The following TTC28 variants were observed in gnomAD, a reference collection of about 807,000 sequenced individuals.
TTC28 encodes tetratricopeptide repeat protein 28.
A neutral mutation model predicts 198.0 loss-of-function variants in TTC28; 61 were observed. The observed-to-expected ratio is 0.31, with a 90% confidence interval of 0.25 to 0.38. The LOEUF is 0.38. TTC28 is among the 10% of genes least tolerant of loss of function. The pLI is 1.00. For synonymous variants in TTC28, 1,171 were observed against 1,297.8 expected (o/e 0.90, Z 2.10); for missense variants, 2,678 against 3,164.0 (o/e 0.85, Z 3.69).
chr22:28,201,978 T>G (rs1039952944), intron 5 of TTC28, among the ~76,000 whole-genome samples: 4 of 152,056 alleles, frequency 2.6e-5, no homozygotes, highest in South Asian at 4.1e-4. Flanking sequence ...CTACTATGAG[T>G]ACCCATCATA....
chr22:28,140,657 T>C (rs1601373933), intron 6 of TTC28, among the ~76,000 whole-genome samples: 1 of 152,354 alleles, frequency 6.6e-6, no homozygotes, highest in African/African-American at 2.4e-5. Context: ...TCCACGGGCC[T>C]GGCCTTTCCA....
intron 3 of TTC28, among the ~76,000 whole-genome samples, chr22:28,301,401 T>C (rs1488039479): frequency 3.3e-5 from 5 of 152,224 alleles, no homozygotes; most frequent in Admixed American, 2.6e-4. Context: ...CTTTGCAACA[T>C]CAGTTCATCA....
In TTC28 at chr22:28,492,610, A is replaced by C. The variant is rs117216664; in HGVS notation, c.381+136942T>G. 4.5e-3 allele frequency among the ~76,000 whole-genome samples: 679 copies of C among 152,332 alleles called. 16 individuals are homozygous for C. Among genetic ancestry groups the C allele is most frequent in the Middle Eastern group, 0.01 (3 of 294 alleles). On this transcript the variant is annotated intron_variant, in intron 2 of 22. Transcript: ENST00000397906. Reference sequence around the variant, plus strand: ...GATAAGATACCATGCAGATTCAAGAAAGTTAAGTCAAAAAGGAGAAAGCTA... The same window carrying C: ...GATAAGATACCATGCAGATTCAAGACAGTTAAGTCAAAAAGGAGAAAGCTA...
intron 3 of TTC28, 40 bp from the exon 4 acceptor site, chr22:28,297,892 T>C (rs1372876292): frequency 6.5e-7 from 1 of 1,536,344 alleles, no homozygotes; most frequent in Non-Finnish European, 8.8e-7. Context: ...AACAGGAGAA[T>C]GTAGGATGAT....
At chr22:28,395,908 T>C (rs1396033017) in intron 2 of TTC28, among the ~76,000 whole-genome samples, 2 of 152,238 alleles carry the variant, frequency 1.3e-5, no homozygotes, top group South Asian at 2.1e-4. Flanking sequence ...AAATTTCATA[T>C]AGAAGCCCTA....
intron 2 of TTC28, among the ~76,000 whole-genome samples, chr22:28,614,882 C>T (rs140701023): frequency 4.3e-4 from 66 of 152,146 alleles, no homozygotes; most frequent in Non-Finnish European, 7.4e-4. Flanking sequence ...ACATAGGCTT[C>T]GGCAAAGACT....
chr22:28,244,619 C>G (rs930633804), intron 5 of TTC28, among the ~76,000 whole-genome samples: 4 of 152,182 alleles, frequency 2.6e-5, no homozygotes, highest in African/African-American at 9.6e-5. Context: ...AAAAAGAAAC[C>G]TAAAGCTCTG....
chr22:28,447,364 A>T (rs2047719072), intron 2 of TTC28, among the ~76,000 whole-genome samples: 1 of 152,250 alleles, frequency 6.6e-6, no homozygotes. Flanking sequence ...GCAATATCAG[A>T]TCCTCTAAAT....
intron 2 of TTC28, among the ~76,000 whole-genome samples, chr22:28,483,620 AATT>A: frequency 6.6e-6 from 1 of 152,156 alleles, no homozygotes; most frequent in Non-Finnish European, 1.5e-5. Context: ...CCATCTGATG[AATT>A]TTCTTGATCA....
At chr22:28,242,848 T>TTG (rs1929758040) in intron 5 of TTC28, among the ~76,000 whole-genome samples, 17 of 152,010 alleles carry the variant, frequency 1.1e-4, no homozygotes, top group Admixed American at 8.5e-4. Context: ...GATGACACGT[T>TTG]AAAATTAAAT....
intron 2 of TTC28, among the ~76,000 whole-genome samples, chr22:28,569,391 G>A (rs1001194019): frequency 2.6e-5 from 4 of 151,978 alleles, no homozygotes; most frequent in Non-Finnish European, 5.9e-5. Flanking sequence ...AGAGAATCCA[G>A]AAATAAAGCC....
intron 5 of TTC28, among the ~76,000 whole-genome samples, chr22:28,295,595 G>A (rs2044877978): frequency 6.6e-6 from 1 of 152,090 alleles, no homozygotes; most frequent in South Asian, 2.1e-4. Context: ...CTGCAGCTGG[G>A]ATTTAAATCT....
At chr22:28,098,554 CT>C (rs71704707) in intron 10 of TTC28, among the ~76,000 whole-genome samples, 11,232 of 144,376 alleles carry the variant, frequency 0.078, 442 homozygotes, top group South Asian at 0.093. Flanking sequence ...TCTATTTAAA[CT>C]TTTTTTTTTT....
Position 28,096,305 on chromosome 22 carries a change from G to A in TTC28, c.3651C>T (p.Tyr1217=). 1 of 1,551,978 alleles carries A rather than the reference G, an allele frequency of 6.4e-7. No homozygotes were observed. The highest frequency in any genetic ancestry group is 8.7e-7 in the Non-Finnish European group (1 of 1,147,040). ...RQTGQQDSDP[Y]SPVTIDQILE... is the part of the protein sequence containing the mutation. ...AGATCTGATCAATAGTGACTGGGGA[G>A]TAGGGGTCGGAGTCTTGTTGTCCTG... The change falls in exon 11 of 23, where the codon TAC becomes TAT. Residue 1217 remains tyrosine (Y), a synonymous_variant. Transcript: ENST00000397906.
At chr22:28,274,556 A>G (rs771281556) in intron 5 of TTC28, among the ~76,000 whole-genome samples, 10 of 152,222 alleles carry the variant, frequency 6.6e-5, no homozygotes, top group Non-Finnish European at 1.0e-4. Flanking sequence ...GGTCCTATTT[A>G]AGACATTTCT....
chr22:28,102,176 T>G (rs1247064132), intron 8 of TTC28, among the ~76,000 whole-genome samples: 2 of 152,064 alleles, frequency 1.3e-5, no homozygotes, highest in Non-Finnish European at 2.9e-5. Flanking sequence ...ATCCAATGAG[T>G]GTTAATAGAA....
chr22:28,010,078 C>T (rs1445683865), intron 14 of TTC28, among the ~76,000 whole-genome samples: 2 of 152,158 alleles, frequency 1.3e-5, no homozygotes, highest in African/African-American at 2.4e-5. Flanking sequence ...CAACTGCATG[C>T]CTCACCTCAA....
intron 3 of TTC28, among the ~76,000 whole-genome samples, chr22:28,305,907 A>G (rs2045134811): frequency 6.6e-6 from 1 of 152,178 alleles, no homozygotes; most frequent in Non-Finnish European, 1.5e-5. Flanking sequence ...CAGAATACCA[A>G]CCAGCGTAAA....
intron 1 of TTC28, among the ~76,000 whole-genome samples, chr22:28,654,790 C>CT (rs2146268522): frequency 6.6e-6 from 1 of 152,282 alleles, no homozygotes; most frequent in East Asian, 1.9e-4. Flanking sequence ...TTAATGTTTC[C>CT]TTTCTAAGCT....
Sources: allele counts gnomAD v4.1 joint callset (sites outside exome capture counted in the v4.1 genomes callset), GRCh38; gene constraint gnomAD v4.1.1; transcripts MANE v1.5; gene names NCBI Gene and HGNC (gene_info 2026-07-23, HGNC 2026-07-21).